Variants in ZNF277 observed in about 807,000 individuals in gnomAD.
ZNF277 encodes the protein zinc finger protein 277.
Under a neutral mutation model 60.7 loss-of-function variants are expected in ZNF277, and 55 were observed. The ratio of observed to expected loss-of-function variants is 0.91; its 90% CI spans 0.73 to 1.13. The LOEUF (loss-of-function observed/expected upper bound fraction) is 1.13, where lower values mean the gene tolerates loss of function less well. Among genes scored for constraint, ZNF277 ranks in the 50% most tolerant of loss-of-function variants. The pLI is 0.00. For missense variants in ZNF277, 510 were observed against 523.0 expected (o/e 0.98, Z 0.24); for synonymous variants, 178 against 179.3 (o/e 0.99, Z 0.06).
At position 112,253,455 on chromosome 7, in the gene ZNF277, T is replaced by G. The variant is rs573846247; in HGVS notation, c.92-33418T>G. On this transcript the variant is annotated intron_variant, in intron 1 of 11. Coordinates refer to ENST00000361822, the MANE Select transcript of ZNF277 (RefSeq NM_021994.3). ...GCTACCCAACCTGTTGAAATCTACC[T>G]CTCATGTTATTTTTCTCTCTCTCTG... 1.1e-4 allele frequency among the ~76,000 whole-genome samples: 16 copies of G among 152,190 alleles called. No individual in the cohort carries two copies. In the South Asian group the frequency reaches 2.5e-3, roughly 24 times the overall value.
intron 1 of ZNF277, among the ~76,000 whole-genome samples, chr7:112,215,964 A>T (rs939221713): frequency 2.0e-5 from 3 of 152,254 alleles, no homozygotes; most frequent in Admixed American, 2.0e-4. Flanking sequence ...AATTACCATT[A>T]TAAAGCAATT....
intron 4 of ZNF277, among the ~76,000 whole-genome samples, chr7:112,315,203 A>C (rs1461265335): frequency 1.3e-5 from 2 of 152,144 alleles, no homozygotes; most frequent in African/African-American, 4.8e-5. Context: ...AGATATTGGA[A>C]GCTACTTTTT....
At chr7:112,259,013 A>G (rs562484258) in intron 1 of ZNF277, among the ~76,000 whole-genome samples, 10 of 152,200 alleles carry the variant, frequency 6.6e-5, no homozygotes, top group African/African-American at 1.7e-4. Context: ...CCTGATACCC[A>G]TGTCACTTTG....
At chr7:112,221,127 G>T (rs1269790999) in intron 1 of ZNF277, among the ~76,000 whole-genome samples, 1 of 152,168 alleles carries the variant, frequency 6.6e-6, no homozygotes, top group Non-Finnish European at 1.5e-5. Context: ...CTGATCCAGC[G>T]AGGTGCCCAT....
intron 1 of ZNF277, among the ~76,000 whole-genome samples, chr7:112,278,645 A>G (rs1415667843): frequency 6.6e-6 from 1 of 152,204 alleles, no homozygotes; most frequent in African/African-American, 2.4e-5. Flanking sequence ...AGGCTAAGAA[A>G]GGTTAAATAA....
chr7:112,242,831 A>G (rs1440996588), intron 1 of ZNF277, among the ~76,000 whole-genome samples: 2 of 152,130 alleles, frequency 1.3e-5, no homozygotes, highest in African/African-American at 4.8e-5. Context: ...AAAAATTCAC[A>G]TGGAACCACA....
At chr7:112,291,196 A>C (rs1792199277) in intron 2 of ZNF277, among the ~76,000 whole-genome samples, 1 of 152,170 alleles carries the variant, frequency 6.6e-6, no homozygotes, top group Admixed American at 6.5e-5. Context: ...CTGGAAAATA[A>C]ATGTTAACTT....
intron 6 of ZNF277, 28 bp from the exon 7 acceptor site, chr7:112,330,056 T>C: frequency 1.9e-6 from 3 of 1,594,800 alleles, no homozygotes; most frequent in Non-Finnish European, 2.6e-6. Flanking sequence ...AAGAGACTTG[T>C]TTATCAGTGT....
intron 4 of ZNF277, among the ~76,000 whole-genome samples, chr7:112,310,478 A>AGAGAGAGAGAGAGAGAGAGG (rs762824873): frequency 8.0e-6 from 1 of 125,512 alleles, no homozygotes; most frequent in African/African-American, 3.9e-5. Context: ...AGAGAGAGAG[A>AGAGAGAGAGAGAGAGAGAGG]GTGTGTGTGT....
At chr7:112,213,392 T>C (rs995230506) in intron 1 of ZNF277, among the ~76,000 whole-genome samples, 2 of 152,190 alleles carry the variant, frequency 1.3e-5, no homozygotes, top group South Asian at 2.1e-4. Context: ...AGAGGCCTTA[T>C]TTAAAGCATT....
At chr7:112,340,026 T>C (rs1793412647) in intron 10 of ZNF277, 141 bp downstream of exon 10, 1 of 756,778 alleles carries the variant, frequency 1.3e-6, no homozygotes, top group African/African-American at 1.7e-5. Flanking sequence ...GACAGAACTC[T>C]CTGTGAAGCA....
chr7:112,243,904 G>A (rs574428493), intron 1 of ZNF277, among the ~76,000 whole-genome samples: 20 of 152,134 alleles, frequency 1.3e-4, no homozygotes, highest in South Asian at 6.2e-4. Context: ...AAACCTACGC[G>A]TCCATCAATG....
chr7:112,335,825 AAAG>A (rs1165321619), intron 7 of ZNF277, among the ~76,000 whole-genome samples: 1 of 152,134 alleles, frequency 6.6e-6, no homozygotes, highest in African/African-American at 2.4e-5. Flanking sequence ...ATTTAAGAGA[AAAG>A]AACTTGACTG....
At chr7:112,229,208 A>G (rs1308372391) in intron 1 of ZNF277, among the ~76,000 whole-genome samples, 1 of 152,210 alleles carries the variant, frequency 6.6e-6, no homozygotes, top group Non-Finnish European at 1.5e-5. Flanking sequence ...TGAGGAATGG[A>G]TGGAGAACAT....
chr7:112,286,938 G>C lies in ZNF277; in HGVS notation c.157G>C (p.Glu53Gln). 2 of 1,596,704 alleles carry C rather than the reference G, an allele frequency of 1.3e-6. No homozygotes were observed. Among genetic ancestry groups the C allele is most frequent in the Non-Finnish European group, 1.7e-6 (2 of 1,172,984 alleles). Reference sequence around the variant, plus strand: ...AAGTCCAGGTGGCACCACCACTTTAGAAGGTTCTCCATCTGTGCCTTGTAT... The same window carrying C: ...AAGTCCAGGTGGCACCACCACTTTACAAGGTTCTCCATCTGTGCCTTGTAT... ...PESPGGTTTLEGSPSVPCIFC... is the reference protein window; with the variant it reads ...PESPGGTTTLQGSPSVPCIFC... The change falls in exon 2 of 12, where the codon GAA (glutamate) becomes CAA (glutamine). Residue 53 changes from glutamate (E) to glutamine (Q), a missense_variant. Glu to Gln is a conservative substitution (Grantham distance 29, BLOSUM62 2). Coordinates refer to ENST00000361822, the MANE Select transcript of ZNF277 (RefSeq NM_021994.3).
At chr7:112,309,162 T>G (rs927819593) in intron 4 of ZNF277, among the ~76,000 whole-genome samples, 2 of 151,966 alleles carry the variant, frequency 1.3e-5, no homozygotes, top group African/African-American at 4.8e-5. Flanking sequence ...GGGTGGCATG[T>G]TCTGAACCCC....
intron 2 of ZNF277, among the ~76,000 whole-genome samples, chr7:112,292,365 C>G (rs950524361): frequency 3.3e-5 from 5 of 152,116 alleles, no homozygotes; most frequent in Non-Finnish European, 5.9e-5. Flanking sequence ...ATTTTCAGCC[C>G]TTAGGTAGCA....
At chr7:112,321,709 A>AT (rs979081081) in intron 5 of ZNF277, among the ~76,000 whole-genome samples, 3 of 151,392 alleles carry the variant, frequency 2.0e-5, no homozygotes, top group Non-Finnish European at 3.0e-5. Flanking sequence ...TTTGTCCTTC[A>AT]TTTTTTTTCT....
At chr7:112,296,196 G>A (rs570307007) in intron 3 of ZNF277, 33 bp from the exon 4 acceptor site, 4 of 1,434,176 alleles carry the variant, frequency 2.8e-6, no homozygotes, top group Non-Finnish European at 3.9e-6. Context: ...GTTAATATCT[G>A]TTTTCTTATT....
Sources: gnomAD v4.1 joint callset for allele counts (sites outside exome capture counted in the v4.1 genomes callset) on GRCh38, gnomAD v4.1.1 for gene constraint, MANE v1.5 for transcripts, NCBI Gene and HGNC (gene_info 2026-07-23, HGNC 2026-07-21) for gene names.